Variants in PLAT observed in about 807,000 individuals in gnomAD.
The protein encoded by PLAT is plasminogen activator, tissue type.
A neutral mutation model predicts 74.9 loss-of-function variants in PLAT; 48 were observed. The observed-to-expected ratio is 0.64, with a 90% CI of 0.51 to 0.82. PLAT has a LOEUF of 0.82. Among genes scored for constraint, PLAT ranks in the 40% least tolerant of loss-of-function variants. PLAT has a pLI of 0.00. For missense variants in PLAT, 673 were observed against 736.2 expected, an observed-to-expected ratio of 0.91 and a Z score of 0.99; for synonymous variants, 307 against 294.4, an observed-to-expected ratio of 1.04 and a Z score of -0.44.
chr8:42,176,138 C>T lies in PLAT; in HGVS notation c.1544G>A (p.Gly515Asp). The T allele has an allele frequency of 6.2e-7, 1 of 1,613,354 alleles. No homozygotes were observed. Among genetic ancestry groups the T allele is most frequent in the Non-Finnish European group, 8.5e-7 (1 of 1,179,572 alleles). Reference protein sequence around the residue: ...LHDACQGDSGGPLVCLNDGRM... With the variant: ...LHDACQGDSGDPLVCLNDGRM... ...GCCATCGTTCAGACACACCAGGGGG[C>T]CTCCCGAATCGCCCTGCAAAGGAGA... is the stretch of plus-strand genomic sequence containing the variant. The change falls in exon 14 of 14, where the codon GGC (glycine) becomes GAC (aspartate). Residue 515 changes from glycine to aspartate, a missense_variant. Coordinates refer to ENST00000220809, the MANE Select transcript of PLAT (RefSeq NM_000930.5).
chr8:42,189,130 A>G (rs1238190504), intron 3 of PLAT, 59 bp from the exon 4 acceptor site: 7 of 1,569,398 alleles, frequency 4.5e-6, no homozygotes, highest in African/African-American at 1.4e-5. Context: ...ATGCCTCACT[A>G]CCCTTGCACC....
intron 1 of PLAT, among the ~76,000 whole-genome samples, chr8:42,199,773 G>A (rs1806056903): frequency 6.6e-6 from 1 of 152,210 alleles, no homozygotes; most frequent in Non-Finnish European, 1.5e-5. Context: ...ACCACCTGGT[G>A]AAAACTAAAT....
At chr8:42,185,274 C>T in intron 6 of PLAT, 102 bp from the exon 7 acceptor site, 1 of 525,602 alleles carries the variant, frequency 1.9e-6, no homozygotes, top group Non-Finnish European at 3.3e-6. Context: ...ATGGGGGGTG[C>T]TTTTTTTTTT....
intron 12 of PLAT, among the ~76,000 whole-genome samples, chr8:42,179,495 C>T (rs969616230): frequency 1.3e-5 from 2 of 152,210 alleles, no homozygotes; most frequent in African/African-American, 4.8e-5. Flanking sequence ...ATTTAACCCT[C>T]CTAATCTAAT....
Position 42,189,049 on chromosome 8 carries a change from C to T in PLAT, c.138G>A (p.Thr46=), listed in dbSNP as rs146105258. The change falls in exon 4 of 14, where the codon ACG becomes ACA. Residue 46 remains threonine, a synonymous_variant. Transcript: ENST00000220809. ...SYQVICRDEK[T]QMIYQQHQSW... ...ACTGATGTTGCTGGTATATCATCTG[C>T]GTTTTTTCATCTCTGCAGATCACTA... 24 of 1,613,770 alleles carry T rather than the reference C, an allele frequency of 1.5e-5. No homozygotes were observed. The highest frequency in any genetic ancestry group is 8.8e-5 in the South Asian group (8 of 91,088).
rs564789313 is a variant in PLAT, at chr8:42,175,009, C to T, written c.*984G>A. On this transcript the variant is annotated 3_prime_UTR_variant, in exon 14 of 14. Transcript: ENST00000220809. ...TACTACAAGTCTGCCCTTTTGTGACCGGCTCCACTGTACCTTGGTACTTCT... is the reference window on the plus strand; with the variant it reads ...TACTACAAGTCTGCCCTTTTGTGACTGGCTCCACTGTACCTTGGTACTTCT... Among the ~76,000 whole-genome samples, 6 of 152,214 alleles carry T rather than the reference C, an allele frequency of 3.9e-5. No individual in the cohort carries two copies. Among genetic ancestry groups the T allele is most frequent in the Non-Finnish European group, 8.8e-5 (6 of 68,020 alleles).
chr8:42,199,364 C>G (rs1196595749), intron 1 of PLAT, among the ~76,000 whole-genome samples: 1 of 152,100 alleles, frequency 6.6e-6, no homozygotes, highest in East Asian at 1.9e-4. Flanking sequence ...CCTAGCTACT[C>G]AGGAGGCTGA....
chr8:42,192,587 ATACCT>A (rs1805728618), intron 2 of PLAT, among the ~76,000 whole-genome samples: 1 of 152,188 alleles, frequency 6.6e-6, no homozygotes, highest in East Asian at 1.9e-4. Context: ...AAATTAAAAA[ATACCT>A]TATAACAACC....
At chr8:42,198,514 G>A (rs1178766497) in intron 1 of PLAT, among the ~76,000 whole-genome samples, 1 of 152,172 alleles carries the variant, frequency 6.6e-6, no homozygotes, top group Non-Finnish European at 1.5e-5. Flanking sequence ...AAAGTGACTT[G>A]CAATAAAGGA....
At chr8:42,180,134 G>GAGGGGC in intron 11 of PLAT, 68 bp from the exon 12 acceptor site, 1 of 1,586,812 alleles carries the variant, frequency 6.3e-7, no homozygotes, top group Non-Finnish European at 8.6e-7. Context: ...GAACACGCAG[G>GAGGGGC]AGGGGCAGGG....
intron 1 of PLAT, among the ~76,000 whole-genome samples, chr8:42,200,348 C>T (rs957644284): frequency 1.3e-5 from 2 of 151,676 alleles, no homozygotes; most frequent in East Asian, 3.9e-4. Flanking sequence ...AGATCACCCT[C>T]GGCAACATAG....
intron 6 of PLAT, 108 bp downstream of exon 6, chr8:42,187,290 C>G: frequency 1.2e-6 from 1 of 861,102 alleles, no homozygotes; most frequent in Non-Finnish European, 1.7e-6. Context: ...TCTATCCATC[C>G]TGTATTGGTT....
At chr8:42,189,174 A>C (rs1805596243) in intron 3 of PLAT, 103 bp from the exon 4 acceptor site, 2 of 1,146,148 alleles carry the variant, frequency 1.7e-6, no homozygotes, top group Admixed American at 3.6e-5. Flanking sequence ...CTTTCTATAG[A>C]CTCCATTGCA....
intron 12 of PLAT, 92 bp downstream of exon 12, chr8:42,179,834 C>G: frequency 7.6e-7 from 1 of 1,321,218 alleles, no homozygotes. Flanking sequence ...GGGGCTGGAA[C>G]TTCGGTCTCC....
rs1292255275 is a variant in PLAT, at chr8:42,180,662, T to G, written c.913A>C (p.Ser305Arg). The G allele has an allele frequency of 6.3e-7, 1 of 1,592,020 alleles. No individual in the cohort carries two copies. The highest frequency in any genetic ancestry group is 2.2e-5 in the East Asian group (1 of 44,726). Residue 305 changes from serine to arginine, a missense_variant, in exon 10 of 14, where the codon AGC becomes CGC. Ser to Arg is a moderately radical substitution (Grantham distance 110). Coordinates refer to ENST00000220809, the MANE Select transcript of PLAT (RefSeq NM_000930.5). Reference sequence around the variant, plus strand: ...CCTTTGATGCGAAACTGAGGCTGGCTGTACTGTCTCAGGCCGCAGGTGGCT... The same window carrying G: ...CCTTTGATGCGAAACTGAGGCTGGCGGTACTGTCTCAGGCCGCAGGTGGCT... ...SCSTCGLRQY[S>R]QPQFRIKGGL...
At chr8:42,200,575 G>T (rs1806089502) in intron 1 of PLAT, among the ~76,000 whole-genome samples, 1 of 151,220 alleles carries the variant, frequency 6.6e-6, no homozygotes, top group South Asian at 2.1e-4. Flanking sequence ...TACTTGGGAG[G>T]CTGAGGTGGG....
At chr8:42,186,275 G>T (rs143233395) in intron 6 of PLAT, 1 of 151,704 alleles carries the variant, frequency 6.6e-6, no homozygotes, top group Non-Finnish European at 1.5e-5. Flanking sequence ...ATCTTCCCAG[G>T]TGCAGGACAG....
chr8:42,183,254 C>T (rs1587931342), intron 7 of PLAT, among the ~76,000 whole-genome samples: 1 of 152,226 alleles, frequency 6.6e-6, no homozygotes, highest in Non-Finnish European at 1.5e-5. Context: ...CTGCCCGCCT[C>T]AGCCTCCCAA....
chr8:42,193,931 G>A (rs1332275526), intron 1 of PLAT, among the ~76,000 whole-genome samples: 1 of 151,816 alleles, frequency 6.6e-6, no homozygotes, highest in Non-Finnish European at 1.5e-5. Flanking sequence ...AGCCAGGATG[G>A]TCTCGATCTC....
Sources: allele counts gnomAD v4.1 joint callset (sites outside exome capture counted in the v4.1 genomes callset), GRCh38; gene constraint gnomAD v4.1.1; transcripts MANE v1.5; gene names NCBI Gene and HGNC (gene_info 2026-07-23, HGNC 2026-07-21).